ZFAT: variants seen among roughly 807,000 people sequenced by gnomAD.
ZFAT encodes the protein zinc finger protein ZFAT.
A neutral mutation model predicts 117.7 loss-of-function variants in ZFAT; 64 were observed. That is an observed-to-expected ratio of 0.54 (90% CI 0.44 to 0.67). The LOEUF is 0.67. Among genes scored for constraint, ZFAT ranks in the 30% least tolerant of loss-of-function variants. The probability of loss-of-function intolerance (pLI) is 0.00; values close to 1 mark genes in which losing one functional copy is unlikely to be tolerated. For synonymous variants in ZFAT, 679 were observed against 615.0 expected (o/e 1.10, Z -1.54); for missense variants, 1,433 against 1,584.5 (o/e 0.90, Z 1.62).
the ZFAT span, chr8:134,798,065 C>T: frequency 1.3e-5 from 2 of 151,808 alleles, no homozygotes; most frequent in Non-Finnish European, 2.9e-5. Context: ...CAGATTCCCC[C>T]CATCTTGACT....
intron 2 of ZFAT, among the ~76,000 whole-genome samples, chr8:134,643,039 T>C (rs1396804600): frequency 6.6e-6 from 1 of 152,240 alleles, no homozygotes; most frequent in African/African-American, 2.4e-5. Context: ...ATCGTGGAAA[T>C]GCCACGTAAA....
chr8:134,544,702 C>T (rs143506046), intron 11 of ZFAT, among the ~76,000 whole-genome samples: 19 of 151,896 alleles, frequency 1.3e-4, no homozygotes, highest in African/African-American at 4.3e-4. Context: ...TAAAGAAATC[C>T]AAACAGCTAA....
At chr8:134,526,062 T>A (rs564416721) in intron 12 of ZFAT, among the ~76,000 whole-genome samples, 1 of 152,286 alleles carries the variant, frequency 6.6e-6, no homozygotes, top group Admixed American at 6.5e-5. Context: ...GTTGTTGTTG[T>A]TAAGCTGATG....
intron 1 of ZFAT, among the ~76,000 whole-genome samples, chr8:134,681,454 C>T (rs1190527179): frequency 6.6e-6 from 1 of 152,218 alleles, no homozygotes; most frequent in East Asian, 1.9e-4. Flanking sequence ...ATGCTGCTGA[C>T]ACAGTAGGCA....
chr8:134,535,929 T>A (rs560013401), intron 11 of ZFAT, among the ~76,000 whole-genome samples: 30 of 152,228 alleles, frequency 2.0e-4, no homozygotes, highest in African/African-American at 7.0e-4. Flanking sequence ...ATTGCCAGCA[T>A]CGGGCAGTCA....
chr8:134,773,982 T>A, the ZFAT span, among the ~76,000 whole-genome samples: 1 of 104,518 alleles, frequency 9.6e-6, no homozygotes, highest in Non-Finnish European at 2.0e-5. Context: ...GCTTGAGGAT[T>A]AATTTTTTTT....
At chr8:134,614,198 A>G (rs1828555127) in intron 3 of ZFAT, among the ~76,000 whole-genome samples, 1 of 152,208 alleles carries the variant, frequency 6.6e-6, no homozygotes, top group Non-Finnish European at 1.5e-5. Context: ...AAGAATTGCC[A>G]TAAATCCTCT....
chr8:134,602,096 C>T lies in ZFAT; in HGVS notation c.1623G>A (p.Gln541=), dbSNP rs750432155. 3.5e-5 allele frequency: 56 copies of T among 1,611,828 alleles called. No homozygotes were observed. The highest frequency in any genetic ancestry group is 4.5e-5 in the Non-Finnish European group (53 of 1,179,348). The part of the protein sequence containing the change: ...LKEEACPGDT[Q]LEEGRKEPEA... ...CCGGCTCCTTCCGGCCCTCCTCCAG[C>T]TGAGTGTCCCCAGGACAGGCCTCTT... Residue 541 remains glutamine (Q), a synonymous_variant, in exon 6 of 16, where the codon CAG becomes CAA. Transcript: ENST00000377838.
the ZFAT span, among the ~76,000 whole-genome samples, chr8:134,818,081 C>T: frequency 2.9e-3 from 445 of 151,868 alleles, 1 homozygote; most frequent in African/African-American, 9.7e-3. Flanking sequence ...CCTTGAATTA[C>T]GCAAAAAAAA....
the ZFAT span, among the ~76,000 whole-genome samples, chr8:134,743,973 G>T: frequency 6.6e-6 from 1 of 152,206 alleles, no homozygotes; most frequent in African/African-American, 2.4e-5. Flanking sequence ...GGCCAAACAG[G>T]TTTCTTGCTC....
At chr8:134,497,355 C>T (rs1416420388) in intron 15 of ZFAT, among the ~76,000 whole-genome samples, 2 of 152,178 alleles carry the variant, frequency 1.3e-5, no homozygotes, top group African/African-American at 4.8e-5. Context: ...GGGGGACTGA[C>T]AGCTGAGAAC....
intron 7 of ZFAT, 144 bp from the exon 8 acceptor site, chr8:134,590,499 A>ACATCACCATCATCAATACCAT (rs1826387720): frequency 1.6e-6 from 1 of 624,430 alleles, no homozygotes; most frequent in Non-Finnish European, 2.9e-6. Context: ...CACCACCATC[A>ACATCACCATCATCAATACCAT]CATCACCATC....
At chr8:134,705,745 G>A (rs1834135798) in intron 1 of ZFAT, among the ~76,000 whole-genome samples, 1 of 151,096 alleles carries the variant, frequency 6.6e-6, no homozygotes, top group Non-Finnish European at 1.5e-5. Context: ...CACCATGTTG[G>A]CCAAGCTGGT....
intron 1 of ZFAT, among the ~76,000 whole-genome samples, chr8:134,697,551 C>T (rs549658803): frequency 6.7e-6 from 1 of 150,150 alleles, no homozygotes; most frequent in East Asian, 2.1e-4. Context: ...CACGGCGAAA[C>T]CCCGTCTCTA....
chr8:134,648,852 G>A (rs1401090682), intron 2 of ZFAT, among the ~76,000 whole-genome samples: 2 of 152,030 alleles, frequency 1.3e-5, no homozygotes, highest in Non-Finnish European at 2.9e-5. Context: ...TATCTCTTAT[G>A]AATATAAATG....
At chr8:134,776,451 C>T in the ZFAT span, among the ~76,000 whole-genome samples, 1 of 152,156 alleles carries the variant, frequency 6.6e-6, no homozygotes, top group Non-Finnish European at 1.5e-5. Context: ...CACAGGCACG[C>T]ACCACCACAT....
rs547169342 is a variant in ZFAT, at chr8:134,698,433, C to T, written c.19+14412G>A. Among the ~76,000 whole-genome samples, 8 of 152,190 alleles carry T rather than the reference C, an allele frequency of 5.3e-5. No individual in the cohort carries two copies. The East Asian group carries it at 1.2e-3, about 22-fold the overall frequency. On this transcript the variant is annotated intron_variant, in intron 1 of 15. Coordinates refer to ENST00000377838, the MANE Select transcript of ZFAT (RefSeq NM_020863.4). ...AAGAGGCAGCGGGGGAACCTGACAG[C>T]GCCGGACAGCCAACTATTCAGACAC...
intron 2 of ZFAT, among the ~76,000 whole-genome samples, chr8:134,648,043 G>A (rs999340461): frequency 2.8e-4 from 43 of 151,854 alleles, no homozygotes; most frequent in African/African-American, 8.5e-4. Flanking sequence ...TTTTCACCAC[G>A]TACATACAAA....
chr8:134,678,091 T>C lies in ZFAT; in HGVS notation c.20-20354A>G, dbSNP rs139681679. On this transcript the variant is annotated intron_variant, in intron 1 of 15. Transcript: ENST00000377838. Reference sequence around the variant, plus strand: ...CTATTCAACACAGTACTGGAAGCTCTGGCCAGGGCAATCAGGCAAGAGAAA... The same window carrying C: ...CTATTCAACACAGTACTGGAAGCTCCGGCCAGGGCAATCAGGCAAGAGAAA... 4.8e-3 allele frequency among the ~76,000 whole-genome samples: 729 copies of C among 152,338 alleles called. 7 individuals carry two copies. Among genetic ancestry groups the C allele is most frequent in the African/African-American group, 0.016 (682 of 41,568 alleles).
Sources: allele counts gnomAD v4.1 joint callset (sites outside exome capture counted in the v4.1 genomes callset), GRCh38; gene constraint gnomAD v4.1.1; transcripts MANE v1.5; gene names NCBI Gene and HGNC (gene_info 2026-07-23, HGNC 2026-07-21).